Variants in VAV3 observed in about 807,000 individuals in gnomAD.
VAV3 encodes vav guanine nucleotide exchange factor 3, also known as guanine nucleotide exchange factor VAV3.
VAV3 carries 94 observed loss-of-function variants against 131.2 expected under a neutral mutation model. The observed-to-expected ratio is 0.72, with a 90% CI of 0.61 to 0.85. The LOEUF (loss-of-function observed/expected upper bound fraction) is 0.85. VAV3 is among the 40% of genes least tolerant of loss of function. VAV3 has a pLI of 0.00. For missense variants in VAV3, 939 were observed against 1,002.7 expected (o/e 0.94, Z 0.86); for synonymous variants, 349 against 342.0 (o/e 1.02, Z -0.22).
chr1:107,699,748 T>C (rs909961707), intron 17 of VAV3, among the ~76,000 whole-genome samples: 1 of 152,096 alleles, frequency 6.6e-6, no homozygotes, highest in Admixed American at 6.5e-5. Context: ...TTTTTTTTTT[T>C]AAGTTGTGAT....
At chr1:107,719,803 C>G (rs1399358299) in intron 15 of VAV3, among the ~76,000 whole-genome samples, 6 of 152,176 alleles carry the variant, frequency 3.9e-5, no homozygotes, top group Non-Finnish European at 8.8e-5. Context: ...AGACTTGGAA[C>G]CAACCCAAAT....
At chr1:107,839,987 G>A (rs770442990) in intron 2 of VAV3, among the ~76,000 whole-genome samples, 1 of 152,088 alleles carries the variant, frequency 6.6e-6, no homozygotes, top group Non-Finnish European at 1.5e-5. Flanking sequence ...AATACCAACA[G>A]ACCTGTATCA....
chr1:107,835,785 C>CCCCA (rs1668452414), intron 2 of VAV3, among the ~76,000 whole-genome samples: 1 of 152,264 alleles, frequency 6.6e-6, no homozygotes, highest in South Asian at 2.1e-4. Flanking sequence ...CCCAAAGATC[C>CCCCA]CCCACCCTTG....
intron 1 of VAV3, among the ~76,000 whole-genome samples, chr1:107,941,670 T>C (rs1234579439): frequency 6.6e-6 from 1 of 152,214 alleles, no homozygotes; most frequent in African/African-American, 2.4e-5. Context: ...GATCCCATTT[T>C]CTTTTGAGAA....
At chr1:107,797,525 A>T (rs150815828) in intron 2 of VAV3, among the ~76,000 whole-genome samples, 1 of 152,344 alleles carries the variant, frequency 6.6e-6, no homozygotes, top group African/African-American at 2.4e-5. Context: ...TCCAAAAAGC[A>T]TAAGAGTCAA....
At chr1:107,862,202 C>T (rs904425452) in intron 2 of VAV3, among the ~76,000 whole-genome samples, 4 of 151,478 alleles carry the variant, frequency 2.6e-5, no homozygotes, top group Non-Finnish European at 5.9e-5. Context: ...AGGAAGCCTG[C>T]GCAGCCGGAC....
At position 107,704,621 on chromosome 1, in the gene VAV3, A is replaced by C; in HGVS notation, c.1634T>G (p.Phe545Cys). 6.2e-7 allele frequency: 1 copy of C among 1,613,878 alleles called. No homozygotes were observed. The highest frequency in any genetic ancestry group is 1.3e-5 in the African/African-American group (1 of 75,062). ...TTTGTGTGCTCTCGCTCCACACTTA[A>C]AACATAAATAGCCTTGATAAAATGT... Reference protein sequence around the residue: ...RGTFYQGYLCFKCGARAHKEC... With the variant: ...RGTFYQGYLCCKCGARAHKEC... The change falls in exon 17 of 27, where the codon TTT (phenylalanine) becomes TGT (cysteine). Residue 545 changes from phenylalanine (F) to cysteine (C), a missense_variant. Physicochemically the swap from Phe to Cys is radical, Grantham distance 205. Transcript: ENST00000370056.
chr1:107,663,845 A>G (rs1340994131), intron 19 of VAV3, among the ~76,000 whole-genome samples: 3 of 152,178 alleles, frequency 2.0e-5, no homozygotes, highest in Non-Finnish European at 4.4e-5. Context: ...TTTCACTTGA[A>G]GATTCTTGCA....
At chr1:107,825,931 T>C (rs138030837) in intron 2 of VAV3, among the ~76,000 whole-genome samples, 92 of 152,308 alleles carry the variant, frequency 6.0e-4, no homozygotes, top group Middle Eastern at 3.4e-3. Context: ...TAAATCCCTA[T>C]CTATACAGTT....
intron 2 of VAV3, among the ~76,000 whole-genome samples, chr1:107,817,968 A>T (rs908504221): frequency 6.6e-6 from 1 of 152,188 alleles, no homozygotes; most frequent in African/African-American, 2.4e-5. Context: ...GGCCACCTCC[A>T]CAAGCTGTAG....
chr1:107,725,245 T>C (rs926960692), intron 15 of VAV3, among the ~76,000 whole-genome samples: 5 of 152,030 alleles, frequency 3.3e-5, no homozygotes, highest in Non-Finnish European at 5.9e-5. Context: ...CAGGAGGAAA[T>C]GGTAAAGACT....
chr1:107,940,023 T>C (rs1392671342), intron 1 of VAV3, among the ~76,000 whole-genome samples: 2 of 152,258 alleles, frequency 1.3e-5, no homozygotes, highest in East Asian at 1.9e-4. Flanking sequence ...AAGACGATTT[T>C]GAAGTGATGG....
chr1:107,644,791 G>A (rs1458902825), intron 19 of VAV3, among the ~76,000 whole-genome samples: 7 of 152,068 alleles, frequency 4.6e-5, no homozygotes, highest in Non-Finnish European at 8.8e-5. Context: ...ATAAGAGGCT[G>A]TAAGGTGTTA....
chr1:107,628,829 C>T (rs1024990627), intron 20 of VAV3, among the ~76,000 whole-genome samples: 3 of 152,070 alleles, frequency 2.0e-5, no homozygotes, highest in African/African-American at 7.2e-5. Flanking sequence ...ATAAATTTGG[C>T]CCTTTAAAGA....
intron 2 of VAV3, among the ~76,000 whole-genome samples, chr1:107,828,414 A>G (rs1431572862): frequency 6.6e-6 from 1 of 152,208 alleles, no homozygotes; most frequent in African/African-American, 2.4e-5. Flanking sequence ...CCACAAATGT[A>G]TGGCCTAAAT....
chr1:107,688,185 C>T (rs1222401054), intron 18 of VAV3, among the ~76,000 whole-genome samples, 196 bp downstream of exon 18: 1 of 152,122 alleles, frequency 6.6e-6, no homozygotes, highest in Admixed American at 6.6e-5. Flanking sequence ...CTAAGACCTT[C>T]GGACAGTGAC....
chr1:107,901,054 A>T (rs1346672897), intron 1 of VAV3, among the ~76,000 whole-genome samples: 1 of 152,234 alleles, frequency 6.6e-6, no homozygotes, highest in Non-Finnish European at 1.5e-5. Flanking sequence ...CTTACTAAAG[A>T]TTACTGGACT....
At position 107,642,719 on chromosome 1, in the gene VAV3, C is replaced by G. The variant is rs747142681; in HGVS notation, c.1814G>C (p.Gly605Ala). Residue 605 changes from glycine (G) to alanine (A), a missense_variant, in exon 20 of 27, where the codon GGA becomes GCA. Gly to Ala is a moderately conservative substitution (Grantham distance 60). Coordinates refer to ENST00000370056, the MANE Select transcript of VAV3 (RefSeq NM_006113.5). ...TTCATGCAGAGCTGGGGGTGGTGTT[C>G]CAGAATAGTTCCTAATGACCTGCAT... Reference protein sequence around the residue: ...PKMQVIRNYSGTPPPALHEGP... With the variant: ...PKMQVIRNYSATPPPALHEGP... 1.9e-6 allele frequency: 3 copies of G among 1,613,320 alleles called. No homozygotes were observed. The South Asian group carries it at 3.3e-5, about 18-fold the overall frequency.
rs1663688197 is a variant in VAV3, at chr1:107,751,022, T to C, written c.1259+95A>G. The C allele has an allele frequency of 1.1e-5, 13 of 1,189,942 alleles. 1 individual carries two copies. The highest frequency in any genetic ancestry group is 1.3e-5 in the Non-Finnish European group (11 of 840,972). 73.7% of individuals were successfully genotyped at this position (1,189,942 alleles called of 1,614,324 possible). On this transcript the variant is annotated intron_variant, in intron 13 of 26. Coordinates refer to ENST00000370056, the MANE Select transcript of VAV3 (RefSeq NM_006113.5). The stretch of plus-strand genomic sequence containing the variant: ...TGTCTCCTTGTATTTCTTCCTTTTT[T>C]CCCCCTACTTCACACTGGAAAAATT...
Sources: gnomAD v4.1 joint callset for allele counts (sites outside exome capture counted in the v4.1 genomes callset) on GRCh38, gnomAD v4.1.1 for gene constraint, MANE v1.5 for transcripts, NCBI Gene and HGNC (gene_info 2026-07-23, HGNC 2026-07-21) for gene names.